Variants in HS3ST4 observed in about 807,000 individuals in gnomAD.
HS3ST4 encodes heparan sulfate glucosamine 3-O-sulfotransferase 4.
HS3ST4 carries 17 observed loss-of-function variants against 29.2 expected under a neutral mutation model. The observed-to-expected ratio is 0.58, with a 90% CI of 0.40 to 0.87. The LOEUF (loss-of-function observed/expected upper bound fraction) is 0.87, where lower values mean the gene tolerates loss of function less well. Ranked by LOEUF, HS3ST4 falls within the 40% of genes least tolerant of loss-of-function variation. The pLI is 0.00. For synonymous variants in HS3ST4, 314 were observed against 285.7 expected, an observed-to-expected ratio of 1.10 and a Z score of -1.00; for missense variants, 627 against 634.5, an observed-to-expected ratio of 0.99 and a Z score of 0.13.
At chr16:25,810,887 T>C (rs1366511645) in intron 1 of HS3ST4, among the ~76,000 whole-genome samples, 1 of 152,168 alleles carries the variant, frequency 6.6e-6, no homozygotes, top group African/African-American at 2.4e-5. Flanking sequence ...TATTTTTAAG[T>C]GTGAGAAAAA....
intron 1 of HS3ST4, among the ~76,000 whole-genome samples, chr16:26,087,014 G>C (rs1898798238): frequency 6.6e-6 from 1 of 152,118 alleles, no homozygotes; most frequent in Non-Finnish European, 1.5e-5. Flanking sequence ...AGACCACCTC[G>C]TTGTTCAGGG....
At chr16:25,946,177 A>G (rs1344425075) in intron 1 of HS3ST4, among the ~76,000 whole-genome samples, 2 of 152,230 alleles carry the variant, frequency 1.3e-5, no homozygotes, top group Admixed American at 6.5e-5. Context: ...TGCAACATCC[A>G]GATGTTTTCA....
At chr16:25,903,478 T>G (rs561389408) in intron 1 of HS3ST4, among the ~76,000 whole-genome samples, 2 of 151,980 alleles carry the variant, frequency 1.3e-5, no homozygotes, top group African/African-American at 4.8e-5. Context: ...TAACAATATG[T>G]ATATTGATAT....
In HS3ST4 at chr16:26,135,927, C is replaced by A. The variant is rs750882380; in HGVS notation, c.1050C>A (p.Ser350=). The A allele has an allele frequency of 6.2e-7, 1 of 1,613,988 alleles. No individual in the cohort carries two copies. The highest frequency in any genetic ancestry group is 1.3e-5 in the African/African-American group (1 of 75,056). ...ACTGGCTCCAGTATTTCCCCCTCTCCCAGATCCTCTTTGTCAGTGGTGAGC... is the reference window on the plus strand; with the variant it reads ...ACTGGCTCCAGTATTTCCCCCTCTCACAGATCCTCTTTGTCAGTGGTGAGC... ...LENWLQYFPL[S]QILFVSGERL... The change falls in exon 2 of 2, where the codon TCC becomes TCA. Residue 350 remains serine, a synonymous_variant. Coordinates refer to ENST00000331351, the MANE Select transcript of HS3ST4 (RefSeq NM_006040.3).
rs986760390 is a variant in HS3ST4 at position 26,135,914 on chromosome 16, A to G, written c.1037A>G (p.Tyr346Cys). ...YALHLENWLQ[Y>C]FPLSQILFVS... The stretch of plus-strand genomic sequence containing the variant: ...CTGCATCTGGAAAACTGGCTCCAGT[A>G]TTTCCCCCTCTCCCAGATCCTCTTT... Residue 346 changes from tyrosine to cysteine, a missense_variant, in exon 2 of 2, where the codon TAT (tyrosine) becomes TGT (cysteine). This residue lies in a region of HS3ST4 where 225 missense variants were observed against 293.7 expected (regional missense o/e 0.77). Coordinates refer to ENST00000331351, the MANE Select transcript of HS3ST4 (RefSeq NM_006040.3). 4 of 1,613,794 alleles carry G rather than the reference A, an allele frequency of 2.5e-6. No homozygotes were observed. The highest frequency in any genetic ancestry group is 2.7e-5 in the African/African-American group (2 of 74,906).
intron 1 of HS3ST4, among the ~76,000 whole-genome samples, chr16:25,796,885 G>A (rs146398985): frequency 4.6e-5 from 7 of 152,308 alleles, no homozygotes; most frequent in East Asian, 3.9e-4. Context: ...ACTTCCGGGC[G>A]TTGCGGTCGC....
intron 1 of HS3ST4, among the ~76,000 whole-genome samples, chr16:25,895,172 T>TGTGC (rs1968047765): frequency 6.6e-6 from 1 of 152,078 alleles, no homozygotes; most frequent in Non-Finnish European, 1.5e-5. Context: ...CTCACAAGTG[T>TGTGC]GTGCGTGTGT....
At chr16:25,752,538 C>T (rs1197320719) in intron 1 of HS3ST4, among the ~76,000 whole-genome samples, 1 of 152,164 alleles carries the variant, frequency 6.6e-6, no homozygotes, top group Non-Finnish European at 1.5e-5. Flanking sequence ...AAGGGCATTG[C>T]TGCATTGCTG....
chr16:25,925,702 G>A (rs1158163513), intron 1 of HS3ST4, among the ~76,000 whole-genome samples: 1 of 152,126 alleles, frequency 6.6e-6, no homozygotes, highest in Non-Finnish European at 1.5e-5. Flanking sequence ...CAGTAAGCTC[G>A]GATGTGTCTT....
chr16:25,820,534 C>T (rs989200407), intron 1 of HS3ST4, among the ~76,000 whole-genome samples: 4 of 152,120 alleles, frequency 2.6e-5, no homozygotes, highest in African/African-American at 9.7e-5. Flanking sequence ...GCTAGGACTA[C>T]AGGTGCATGC....
chr16:25,897,958 G>C (rs986443409), intron 1 of HS3ST4, among the ~76,000 whole-genome samples: 18 of 152,132 alleles, frequency 1.2e-4, no homozygotes, highest in Non-Finnish European at 2.6e-4. Flanking sequence ...AATGTGCTTG[G>C]GGATTTTTAT....
intron 1 of HS3ST4, among the ~76,000 whole-genome samples, chr16:25,801,755 A>T (rs1436853364): frequency 6.6e-6 from 1 of 152,188 alleles, no homozygotes; most frequent in Admixed American, 6.5e-5. Context: ...TATAAAGGCT[A>T]TTTATTTAAT....
At chr16:26,111,274 T>A (rs1289950430) in intron 1 of HS3ST4, among the ~76,000 whole-genome samples, 1 of 152,004 alleles carries the variant, frequency 6.6e-6, no homozygotes, top group Non-Finnish European at 1.5e-5. Context: ...AGAGATGGGC[T>A]CTGTTGTCCA....
At chr16:25,874,195 A>T (rs552264516) in intron 1 of HS3ST4, among the ~76,000 whole-genome samples, 1 of 152,246 alleles carries the variant, frequency 6.6e-6, no homozygotes. Context: ...TTTTGTAAAT[A>T]TTTGTTGAAT....
chr16:25,865,509 G>A (rs1967685154), intron 1 of HS3ST4, among the ~76,000 whole-genome samples: 1 of 152,068 alleles, frequency 6.6e-6, no homozygotes, highest in Non-Finnish European at 1.5e-5. Flanking sequence ...AAATCAGGTT[G>A]TTTTCCTACT....
intron 1 of HS3ST4, among the ~76,000 whole-genome samples, chr16:25,743,097 T>C (rs1966665266): frequency 6.6e-6 from 1 of 152,200 alleles, no homozygotes; most frequent in Non-Finnish European, 1.5e-5. Flanking sequence ...GAGTTAGCTG[T>C]CAAAGTCTCT....
At chr16:26,118,011 A>G (rs1381309691) in intron 1 of HS3ST4, among the ~76,000 whole-genome samples, 1 of 152,180 alleles carries the variant, frequency 6.6e-6, no homozygotes, top group Non-Finnish European at 1.5e-5. Flanking sequence ...AAACAATGGG[A>G]AAGAATGATG....
At chr16:25,992,008 G>A (rs765284822) in intron 1 of HS3ST4, among the ~76,000 whole-genome samples, 2 of 151,940 alleles carry the variant, frequency 1.3e-5, no homozygotes, top group Admixed American at 1.3e-4. Context: ...GCGACAGAGC[G>A]AGACTCCGTC....
intron 1 of HS3ST4, among the ~76,000 whole-genome samples, chr16:26,060,197 A>G (rs1898458926): frequency 6.6e-6 from 1 of 152,184 alleles, no homozygotes; most frequent in Admixed American, 6.5e-5. Context: ...GAAAGACTGG[A>G]TGACTGCTCA....
Sources: allele counts gnomAD v4.1 joint callset (sites outside exome capture counted in the v4.1 genomes callset), GRCh38; gene constraint gnomAD v4.1.1; regional missense constraint gnomAD v4.1.1; transcripts MANE v1.5; gene names NCBI Gene and HGNC (gene_info 2026-07-23, HGNC 2026-07-21).